Variants in MROH1 observed in about 807,000 individuals in gnomAD.
The protein encoded by MROH1 is maestro heat like repeat family member 1, also known as maestro heat-like repeat-containing protein family member 1.
In MROH1, 117 loss-of-function variants were observed where a neutral mutation model predicts 116.5. The ratio of observed to expected loss-of-function variants is 1.00; its 90% CI spans 0.86 to 1.17. The LOEUF (loss-of-function observed/expected upper bound fraction) is 1.17, where lower values mean the gene tolerates loss of function less well. Ranked by LOEUF, MROH1 falls within the 50% of genes most tolerant of loss-of-function variation. MROH1 has a pLI of 0.00. For synonymous variants in MROH1, 921 were observed against 583.9 expected, an observed-to-expected ratio of 1.58 and a Z score of -8.32; for missense variants, 1,873 against 1,338.5, an observed-to-expected ratio of 1.40 and a Z score of -6.23.
chr8:144,238,707 C>T, intron 14 of MROH1, 49 bp from the exon 15 acceptor site: 1 of 761,506 alleles, frequency 1.3e-6, no homozygotes, highest in South Asian at 1.4e-5. Context: ...GTCCTCAGGC[C>T]CAGAGCCATG....
intron 4 of MROH1, among the ~76,000 whole-genome samples, chr8:144,178,338 G>T: frequency 6.6e-6 from 1 of 151,912 alleles, no homozygotes; most frequent in Non-Finnish European, 1.5e-5. Context: ...CACCATATTG[G>T]CCAGGCTGGT....
Position 144,242,571 on chromosome 8 carries a change from G to T in MROH1, c.2326-31G>T, listed in dbSNP as rs1452988323. On this transcript the variant is annotated intron_variant, in intron 23 of 43. Coordinates refer to ENST00000326134, the MANE Select transcript of MROH1 (RefSeq NM_032450.3). ...GGAGCTGGGGCTGCCGGGGAGTCAC[G>T]TCTTAACTCATTTCACTTTTTGTTG... is the stretch of plus-strand genomic sequence containing the variant. 1.7e-5 allele frequency: 13 copies of T among 780,126 alleles called. No homozygotes were observed. In the Admixed American group the frequency reaches 1.9e-4, roughly 11 times the overall value. 48.3% of individuals were successfully genotyped at this position (780,126 alleles called of 1,614,324 possible). A position where few individuals can be genotyped will look rare whatever the true frequency, so the allele number is the denominator to read the frequency against.
chr8:144,226,371 TTCTC>T (rs1221026258), intron 14 of MROH1, among the ~76,000 whole-genome samples: 1 of 152,312 alleles, frequency 6.6e-6, no homozygotes, highest in African/African-American at 2.4e-5. Flanking sequence ...ACTGTATGGA[TTCTC>T]TCTAACGCTC....
chr8:144,237,087 A>G (rs1840171335), intron 14 of MROH1, among the ~76,000 whole-genome samples: 1 of 151,198 alleles, frequency 6.6e-6, no homozygotes, highest in African/African-American at 2.4e-5. Context: ...TTGTATTTTT[A>G]GTAGAGACGG....
intron 23 of MROH1, 39 bp from the exon 24 acceptor site, chr8:144,242,563 G>C (rs917779249): frequency 2.7e-5 from 21 of 780,274 alleles, no homozygotes; most frequent in Non-Finnish European, 4.5e-5. Flanking sequence ...GGGCTGCCGG[G>C]GAGTCACGTC....
chr8:144,239,317 C>T lies in MROH1; in HGVS notation c.1592-6C>T. The T allele has an allele frequency of 1.3e-6, 1 of 780,330 alleles. No individual in the cohort carries two copies. The highest frequency in any genetic ancestry group is 2.4e-6 in the Non-Finnish European group (1 of 417,788). 48.3% of individuals were successfully genotyped at this position (780,330 alleles called of 1,614,324 possible). A position where few individuals can be genotyped will look rare whatever the true frequency, so the allele number is the denominator to read the frequency against. On this transcript the variant is annotated splice_polypyrimidine_tract_variant and splice_region_variant and intron_variant, in intron 16 of 43. Coordinates refer to ENST00000326134, the MANE Select transcript of MROH1 (RefSeq NM_032450.3). ...CCCACTGACTATTTCCACCTCTCATCTCCAGCGAGCCTCCCGTCTCCCTAT... is the reference window on the plus strand; with the variant it reads ...CCCACTGACTATTTCCACCTCTCATTTCCAGCGAGCCTCCCGTCTCCCTAT...
intron 32 of MROH1, among the ~76,000 whole-genome samples, chr8:144,249,491 C>T (rs1176442369): frequency 6.6e-6 from 1 of 152,100 alleles, no homozygotes; most frequent in Non-Finnish European, 1.5e-5. Flanking sequence ...GTCACCATGG[C>T]TGAGGGTGGA....
Position 144,180,337 on chromosome 8 carries a change from A to G in MROH1, c.460A>G (p.Asn154Asp). 1 of 1,605,084 alleles carries G rather than the reference A, an allele frequency of 6.2e-7. No homozygotes were observed. Residue 154 changes from asparagine to aspartate, a missense_variant, in exon 6 of 44, where the codon AAC becomes GAC. Asn to Asp is a conservative substitution (Grantham distance 23). Transcript: ENST00000326134. The surrounding 1 kb of genome is among the most constrained non-coding windows in gnomAD (Gnocchi z 7.4). The part of the protein sequence containing the change: ...LHTLASLSVA[N>D]AFGVVPFLPS... ...CACCCTCGCCAGCCTCTCGGTGGCC[A>G]ACGGTAGGTGACGCGCGGCCTGCCC...
At chr8:144,253,682 T>G (rs939037110) in intron 33 of MROH1, among the ~76,000 whole-genome samples, 3 of 152,030 alleles carry the variant, frequency 2.0e-5, no homozygotes, top group Non-Finnish European at 4.4e-5. Flanking sequence ...AGGACGCTCC[T>G]GGAATTCCCA....
intron 14 of MROH1, among the ~76,000 whole-genome samples, chr8:144,230,809 T>C (rs926020847): frequency 1.4e-5 from 2 of 144,018 alleles, no homozygotes; most frequent in East Asian, 2.0e-4. Flanking sequence ...TTTCTTTTTT[T>C]TTTTTTTTTT....
chr8:144,176,820 T>G (rs1336098829), intron 4 of MROH1, among the ~76,000 whole-genome samples: 5 of 103,256 alleles, frequency 4.8e-5, no homozygotes, highest in African/African-American at 1.6e-4. Context: ...CGAGTGAGAC[T>G]CTGTCTCAAA....
chr8:144,246,737 G>GGGGGCT (rs1458440515), intron 29 of MROH1, among the ~76,000 whole-genome samples: 1 of 152,226 alleles, frequency 6.6e-6, no homozygotes, highest in Non-Finnish European at 1.5e-5. Flanking sequence ...CCTCGCACGT[G>GGGGGCT]GGGGCTGAAA....
intron 12 of MROH1, among the ~76,000 whole-genome samples, chr8:144,211,041 C>G (rs1330085444): frequency 2.0e-5 from 3 of 152,164 alleles, no homozygotes; most frequent in Admixed American, 6.6e-5. Flanking sequence ...TCTTCTCTTT[C>G]TCTTATAATT....
rs1347226046 is a variant in MROH1, at chr8:144,151,524, C to A, written c.-177+3448C>A. ...AAGACCATCTCCTTTCTGGCTCCCC[C>A]ATTGGCTGAGAGCTGCTTCCACTCA... is the stretch of plus-strand genomic sequence containing the variant. On this transcript the variant is annotated intron_variant, in intron 1 of 43. Coordinates refer to ENST00000326134, the MANE Select transcript of MROH1 (RefSeq NM_032450.3). Among the ~76,000 whole-genome samples, 19 of 152,314 alleles carry A rather than the reference C, an allele frequency of 1.2e-4. No homozygotes were observed. The East Asian group carries it at 3.5e-3, about 28-fold the overall frequency.
intron 7 of MROH1, among the ~76,000 whole-genome samples, chr8:144,186,112 A>G (rs1587999064): frequency 7.8e-6 from 1 of 128,908 alleles, no homozygotes; most frequent in East Asian, 2.5e-4. Context: ...CAAAAAGGAC[A>G]GTTTCCAATT....
At chr8:144,156,073 T>C (rs959455822) in intron 1 of MROH1, among the ~76,000 whole-genome samples, 16,828 of 151,682 alleles carry the variant, frequency 0.11, 3,116 homozygotes, top group African/African-American at 0.38. Context: ...ACTCCGCCTG[T>C]ACTAAAAATA....
intron 14 of MROH1, among the ~76,000 whole-genome samples, chr8:144,235,575 G>A (rs1293777131): frequency 6.6e-6 from 1 of 152,164 alleles, no homozygotes; most frequent in Non-Finnish European, 1.5e-5. Context: ...TTGATGTGCT[G>A]TTTACTGTGT....
rs1307059307 is a variant in MROH1, at chr8:144,256,449, GC to G, written c.3791+749del. 1.2e-3 allele frequency among the ~76,000 whole-genome samples: 179 copies of G among 148,478 alleles called. 1 individual carries two copies. The South Asian group carries it at 0.013, about 11-fold the overall frequency. On this transcript the variant is annotated intron_variant, in intron 35 of 43. Coordinates refer to ENST00000326134, the MANE Select transcript of MROH1 (RefSeq NM_032450.3). The stretch of plus-strand genomic sequence containing the variant: ...ACACCAGGGGGACAGCCGCACTTCA[GC>G]CCCCTCCCCCTGCCCCAGCACCACA...
chr8:144,193,227 A>C (rs1038072409), intron 10 of MROH1: 7 of 152,830 alleles, frequency 4.6e-5, no homozygotes, highest in African/African-American at 1.7e-4. Context: ...ACTGTATGAA[A>C]TGGTTAGGTT....
Sources: allele counts gnomAD v4.1 joint callset (sites outside exome capture counted in the v4.1 genomes callset), GRCh38; gene constraint gnomAD v4.1.1; non-coding constraint Gnocchi (gnomAD v3.1); transcripts MANE v1.5; gene names NCBI Gene and HGNC (gene_info 2026-07-23, HGNC 2026-07-21).